Variants in HERC1 observed in about 807,000 individuals in gnomAD.
The protein encoded by HERC1 is HECT and RLD domain containing E3 ubiquitin protein ligase family member 1.
HERC1 carries 160 observed loss-of-function variants against 554.3 expected under a neutral mutation model. The observed-to-expected ratio is 0.29, with a 90% CI of 0.25 to 0.33. The LOEUF is 0.33. Ranked by LOEUF, HERC1 falls within the 10% of genes least tolerant of loss-of-function variation. HERC1 has a pLI of 1.00. For synonymous variants in HERC1, 2,175 were observed against 2,131.7 expected (o/e 1.02, Z -0.56); for missense variants, 4,919 against 5,918.5 (o/e 0.83, Z 5.54).
chr15:63,753,561 C>G (rs1188433060), intron 7 of HERC1, among the ~76,000 whole-genome samples: 2 of 151,988 alleles, frequency 1.3e-5, no homozygotes, highest in African/African-American at 4.8e-5. Context: ...GGCCAATCAT[C>G]TACAAATCCA....
At chr15:63,739,479 G>A (rs548512726) in intron 12 of HERC1, among the ~76,000 whole-genome samples, 34 of 152,010 alleles carry the variant, frequency 2.2e-4, no homozygotes, top group African/African-American at 7.7e-4. Flanking sequence ...TTATAGGCGT[G>A]AGCCACTGCA....
At chr15:63,610,500 G>C (rs899588717) in intron 77 of HERC1, among the ~76,000 whole-genome samples, 1 of 152,204 alleles carries the variant, frequency 6.6e-6, no homozygotes, top group Non-Finnish European at 1.5e-5. Flanking sequence ...GGCAAGGGTT[G>C]TTTCCAGAGC....
At chr15:63,764,400 T>C (rs2075707514) in intron 2 of HERC1, among the ~76,000 whole-genome samples, 1 of 152,172 alleles carries the variant, frequency 6.6e-6, no homozygotes, top group Non-Finnish European at 1.5e-5. Context: ...CATGATAAAT[T>C]AAGTGCCAAT....
chr15:63,761,306 G>A (rs565431838), intron 3 of HERC1, among the ~76,000 whole-genome samples: 30 of 152,210 alleles, frequency 2.0e-4, no homozygotes, highest in African/African-American at 6.7e-4. Context: ...CAGGCTGGGC[G>A]CCATGGCTCA....
At chr15:63,820,736 T>C (rs144455613) in intron 1 of HERC1, among the ~76,000 whole-genome samples, 6 of 152,320 alleles carry the variant, frequency 3.9e-5, no homozygotes, top group African/African-American at 9.6e-5. Context: ...TAGGCTAGTG[T>C]TGAACTCCTG....
rs564021994 is a variant in HERC1 at position 63,703,542 on chromosome 15, G to A, written c.4636+3238C>T. Among the ~76,000 whole-genome samples the A allele has an allele frequency of 2.6e-5, 4 of 152,122 alleles. No homozygotes were observed. The South Asian group carries it at 8.3e-4, about 32-fold the overall frequency. ...ACTAGTAAATGCAAATGCTGTATGA[G>A]GGAAAACATTTTACATTTCCTCCTC... On this transcript the variant is annotated intron_variant, in intron 25 of 77. Coordinates refer to ENST00000443617, the MANE Select transcript of HERC1 (RefSeq NM_003922.4).
intron 67 of HERC1, among the ~76,000 whole-genome samples, chr15:63,633,373 T>A (rs1256989495): frequency 6.6e-6 from 1 of 152,156 alleles, no homozygotes; most frequent in Non-Finnish European, 1.5e-5. Flanking sequence ...AGTCAAGAAA[T>A]CTTCTATAGT....
chr15:63,678,305 T>C lies in HERC1; in HGVS notation c.6610A>G (p.Ile2204Val), dbSNP rs770720938. 8.1e-6 allele frequency: 13 copies of C among 1,613,200 alleles called. No individual in the cohort carries two copies. Among genetic ancestry groups the C allele is most frequent in the Admixed American group, 6.7e-5 (4 of 59,878 alleles). The change falls in exon 37 of 78, where the codon ATT becomes GTT. Residue 2204 changes from isoleucine (I) to valine (V), a missense_variant. This residue lies in a region of HERC1 where 1,963 missense variants were observed against 2,228.6 expected (regional missense o/e 0.88). Transcript: ENST00000443617. ...TPRDLLPGDPICSPVAAVLAE... is the reference protein window; with the variant it reads ...TPRDLLPGDPVCSPVAAVLAE... The stretch of plus-strand genomic sequence containing the variant: ...AGCACTGCTGCTACTGGACTACAAA[T>C]AGGGTCTCCTGGAAGTAAGTCTCGG...
intron 1 of HERC1, among the ~76,000 whole-genome samples, chr15:63,808,933 C>T (rs769423139): frequency 6.6e-6 from 1 of 152,132 alleles, no homozygotes. Context: ...GTAAATTTAT[C>T]CTCACAGAAC....
At chr15:63,710,026 A>AG (rs1380791780) in intron 24 of HERC1, among the ~76,000 whole-genome samples, 1 of 152,212 alleles carries the variant, frequency 6.6e-6, no homozygotes, top group Non-Finnish European at 1.5e-5. Flanking sequence ...AAGGCTCAAG[A>AG]GGTATGCTTG....
chr15:63,690,185 A>AG (rs1356544329), intron 32 of HERC1, among the ~76,000 whole-genome samples: 17 of 151,262 alleles, frequency 1.1e-4, no homozygotes, highest in Non-Finnish European at 1.9e-4. Context: ...AAAAAAAAAA[A>AG]GAAATATTAA....
At chr15:63,679,545 A>AGCACAGG (rs1161804355) in intron 36 of HERC1, among the ~76,000 whole-genome samples, 1 of 152,216 alleles carries the variant, frequency 6.6e-6, no homozygotes, top group African/African-American at 2.4e-5. Context: ...TCTACCCACC[A>AGCACAGG]GCACAGGGAG....
At chr15:63,748,501 A>G (rs556060931) in intron 10 of HERC1, among the ~76,000 whole-genome samples, 31 of 152,288 alleles carry the variant, frequency 2.0e-4, no homozygotes, top group African/African-American at 7.2e-4. Flanking sequence ...TAAGAAAAAT[A>G]TCCTGACTCT....
rs115276448 is a variant in HERC1 at position 63,774,313 on chromosome 15, A to G, written c.930+381T>C. 4.9e-3 allele frequency among the ~76,000 whole-genome samples: 752 copies of G among 152,334 alleles called. 10 individuals carry two copies. Among genetic ancestry groups the G allele is most frequent in the African/African-American group, 0.017 (720 of 41,576 alleles). Reference sequence around the variant, plus strand: ...CAAGGTGTAGAATAGTACTTGGCATATAGTAAATGTTTAACATAAATTGGG... The same window carrying G: ...CAAGGTGTAGAATAGTACTTGGCATGTAGTAAATGTTTAACATAAATTGGG... On this transcript the variant is annotated intron_variant, in intron 2 of 77. Coordinates refer to ENST00000443617, the MANE Select transcript of HERC1 (RefSeq NM_003922.4).
Position 63,686,539 on chromosome 15 carries a change from C to T in HERC1, c.6049-4G>A. On this transcript the variant is annotated splice_region_variant and splice_polypyrimidine_tract_variant and intron_variant, in intron 33 of 77. Transcript: ENST00000443617. ...CTTCTTCCAACTCGCCCTGCTTCTA[C>T]CAGAAAAGAAGCTGGGTCAGCATTT... The T allele has an allele frequency of 6.2e-7, 1 of 1,609,884 alleles. No individual in the cohort carries two copies. The highest frequency in any genetic ancestry group is 8.5e-7 in the Non-Finnish European group (1 of 1,178,404).
In HERC1 at chr15:63,677,059, T is replaced by C. The variant is rs1389595460; in HGVS notation, c.7070+786A>G. Among the ~76,000 whole-genome samples, 1 of 152,166 alleles carries C rather than the reference T, an allele frequency of 6.6e-6. No individual in the cohort carries two copies. The highest frequency in any genetic ancestry group is 2.4e-5 in the African/African-American group (1 of 41,456). ...TTACATTGTACTTAGCAGGTGAGCA[T>C]CCCAAATCCAAAAATCCCAAATCTG... is the stretch of plus-strand genomic sequence containing the variant. On this transcript the variant is annotated intron_variant, in intron 37 of 77. Coordinates refer to ENST00000443617, the MANE Select transcript of HERC1 (RefSeq NM_003922.4). This position sits in a 1 kb window ranked among gnomAD's most constrained non-coding sequence, Gnocchi z 4.4.
chr15:63,616,510 C>T lies in HERC1; in HGVS notation c.13861G>A (p.Val4621Met). Residue 4621 changes from valine to methionine, a missense_variant, in exon 75 of 78, where the codon GTG (valine) becomes ATG (methionine). By Grantham distance (21) the Val-to-Met change is conservative. This residue lies in a region of HERC1 where 284 missense variants were observed against 294.1 expected (regional missense o/e 0.97). Coordinates refer to ENST00000443617, the MANE Select transcript of HERC1 (RefSeq NM_003922.4). ...AGAGTCTGCACGTAGAGCAGATCCACCTCCTCCAGGTCCTCTAGGGTGAGT... is the reference window on the plus strand; with the variant it reads ...AGAGTCTGCACGTAGAGCAGATCCATCTCCTCCAGGTCCTCTAGGGTGAGT... The part of the protein sequence containing the change: ...VPLTLEDLEE[V>M]DLLYVQTLNS... The T allele has an allele frequency of 1.9e-6, 3 of 1,613,994 alleles. No individual in the cohort carries two copies. Among genetic ancestry groups the T allele is most frequent in the Non-Finnish European group, 1.7e-6 (2 of 1,179,886 alleles).
intron 49 of HERC1, 39 bp downstream of exon 49, chr15:63,656,049 T>C (rs764501066): frequency 2.5e-6 from 4 of 1,604,074 alleles, no homozygotes. Context: ...CAGTCAGAAA[T>C]AATCAATGTA....
rs191549540 is a variant in HERC1 at position 63,808,604 on chromosome 15, C to T, written c.-27+25223G>A. ...CACTGCTCATCAATATACTTTTTAA[C>T]GAAAGGATCTTTGGGGAAAAAAAAG... On this transcript the variant is annotated intron_variant, in intron 1 of 77. Transcript: ENST00000443617. Among the ~76,000 whole-genome samples, 32 of 152,132 alleles carry T rather than the reference C, an allele frequency of 2.1e-4. No homozygotes were observed. In the East Asian group the frequency reaches 3.5e-3, roughly 17 times the overall value.
Sources: allele counts gnomAD v4.1 joint callset (sites outside exome capture counted in the v4.1 genomes callset), GRCh38; gene constraint gnomAD v4.1.1; regional missense constraint gnomAD v4.1.1; non-coding constraint Gnocchi (gnomAD v3.1); transcripts MANE v1.5; gene names NCBI Gene and HGNC (gene_info 2026-07-23, HGNC 2026-07-21).